The following LMAN2L variants were observed in gnomAD, a reference collection of about 807,000 sequenced individuals.
The protein encoded by LMAN2L is VIP36-like protein.
Under a neutral mutation model 44.3 loss-of-function variants are expected in LMAN2L, and 30 were observed. The observed-to-expected ratio is 0.68, with a 90% CI of 0.51 to 0.92. LMAN2L has a LOEUF of 0.92. Among genes scored for constraint, LMAN2L ranks in the 40% least tolerant of loss-of-function variants. LMAN2L has a pLI of 0.00. For synonymous variants in LMAN2L, 183 were observed against 171.1 expected (o/e 1.07, Z -0.54); for missense variants, 429 against 446.1 (o/e 0.96, Z 0.35).
intron 1 of LMAN2L, among the ~76,000 whole-genome samples, chr2:96,738,742 C>CTT (rs1198674962): frequency 6.8e-6 from 1 of 146,160 alleles, no homozygotes. Flanking sequence ...CACATTCTTC[C>CTT]TTTTTTTTTT....
At chr2:96,707,586 G>A in intron 7 of LMAN2L, 128 bp downstream of exon 7, 3 of 1,289,564 alleles carry the variant, frequency 2.3e-6, no homozygotes, top group Non-Finnish European at 3.2e-6. Flanking sequence ...AAGGGGAAAG[G>A]CAGATGAAAG....
At chr2:96,712,115 T>G in intron 4 of LMAN2L, 90 bp from the exon 5 acceptor site, 1 of 1,350,914 alleles carries the variant, frequency 7.4e-7, no homozygotes, top group Non-Finnish European at 1.0e-6. Flanking sequence ...ACATACAAGT[T>G]GAGCCCCTTA....
intron 4 of LMAN2L, among the ~76,000 whole-genome samples, chr2:96,726,549 G>A (rs762434713): frequency 2.0e-5 from 3 of 152,082 alleles, no homozygotes; most frequent in Admixed American, 6.6e-5. Flanking sequence ...TTGGGCGGCC[G>A]AGATGGGCAG....
At chr2:96,720,059 T>C (rs893079776) in intron 4 of LMAN2L, among the ~76,000 whole-genome samples, 1 of 152,112 alleles carries the variant, frequency 6.6e-6, no homozygotes, top group Non-Finnish European at 1.5e-5. Context: ...GAGGAAATGT[T>C]TTTTTAACTG....
At chr2:96,726,095 G>A (rs2078264407) in intron 4 of LMAN2L, among the ~76,000 whole-genome samples, 1 of 151,254 alleles carries the variant, frequency 6.6e-6, no homozygotes, top group Admixed American at 6.6e-5. Flanking sequence ...TCATGCCACT[G>A]CATGCCAACC....
At chr2:96,721,326 C>CTTTTTTTTTTTTT (rs56023035) in intron 4 of LMAN2L, among the ~76,000 whole-genome samples, 1 of 84,600 alleles carries the variant, frequency 1.2e-5, no homozygotes, top group African/African-American at 4.9e-5. Context: ...TTCTTTCAGT[C>CTTTTTTTTTTTTT]TTTTTTTTTT....
intron 4 of LMAN2L, among the ~76,000 whole-genome samples, chr2:96,731,967 C>T (rs1386332298): frequency 6.6e-6 from 1 of 151,868 alleles, no homozygotes; most frequent in East Asian, 2.0e-4. Flanking sequence ...CCCACCTCAG[C>T]CTCCCAAGTA....
In LMAN2L at chr2:96,711,656, C is replaced by T; in HGVS notation, c.784G>A (p.Asp262Asn). Residue 262 changes from aspartate to asparagine, a missense_variant and splice_region_variant, in exon 6 of 8, where the codon GAT becomes AAT. Physicochemically the swap from Asp to Asn is conservative, Grantham distance 23. Coordinates refer to ENST00000264963, the MANE Select transcript of LMAN2L (RefSeq NM_030805.4). ...AAACCAAGAGTGCGCGTGGCAGTACCTGAGAGATCCCCAGTGATGGAGGAG... is the reference window on the plus strand; with the variant it reads ...AAACCAAGAGTGCGCGTGGCAGTACTTGAGAGATCCCCAGTGATGGAGGAG... ...GTSSITGDLS[D>N]NHDVISLKLF... is the part of the protein sequence containing the mutation. The T allele has an allele frequency of 6.2e-7, 1 of 1,609,690 alleles. No individual in the cohort carries two copies. Among genetic ancestry groups the T allele is most frequent in the Non-Finnish European group, 8.5e-7 (1 of 1,176,632 alleles).
At chr2:96,714,027 G>T (rs750974718) in intron 4 of LMAN2L, among the ~76,000 whole-genome samples, 11 of 152,176 alleles carry the variant, frequency 7.2e-5, no homozygotes, top group Non-Finnish European at 1.0e-4. Context: ...CAGATGCTGA[G>T]GGTCCAAAGA....
chr2:96,737,658 A>C (rs1473058266), intron 2 of LMAN2L, among the ~76,000 whole-genome samples: 1 of 152,182 alleles, frequency 6.6e-6, no homozygotes. Context: ...GTGGTTAAGC[A>C]GGAGTTAAGT....
intron 4 of LMAN2L, among the ~76,000 whole-genome samples, chr2:96,722,524 G>A (rs2078179935): frequency 6.6e-6 from 1 of 152,144 alleles, no homozygotes; most frequent in Admixed American, 6.6e-5. Flanking sequence ...GATCTGAGAG[G>A]AGGCGGAGCT....
intron 2 of LMAN2L, among the ~76,000 whole-genome samples, chr2:96,736,323 C>A (rs1419713666): frequency 1.3e-5 from 2 of 152,210 alleles, no homozygotes; most frequent in African/African-American, 4.8e-5. Flanking sequence ...GGCATTGATT[C>A]CAATGGATAG....
In LMAN2L at chr2:96,737,728, G is replaced by GA. The variant is rs929720045; in HGVS notation, c.306+220dup. 2.5e-4 allele frequency among the ~76,000 whole-genome samples: 37 copies of GA among 149,750 alleles called. No individual in the cohort carries two copies. In the Middle Eastern group the frequency reaches 0.01, roughly 41 times the overall value. On this transcript the variant is annotated intron_variant, in intron 2 of 7. Transcript: ENST00000264963. The stretch of plus-strand genomic sequence containing the variant: ...CAATCAGGAATTAACGACATTTCAG[G>GA]AAAAAAAAATGAATTATTTGCTATA...
At chr2:96,725,017 G>A (rs535258010) in intron 4 of LMAN2L, among the ~76,000 whole-genome samples, 145 of 152,120 alleles carry the variant, frequency 9.5e-4, no homozygotes, top group African/African-American at 3.2e-3. Flanking sequence ...ATTTTTAGTA[G>A]AGACGGGGTT....
At chr2:96,722,784 G>A (rs2078186545) in intron 4 of LMAN2L, among the ~76,000 whole-genome samples, 1 of 152,206 alleles carries the variant, frequency 6.6e-6, no homozygotes, top group Non-Finnish European at 1.5e-5. Context: ...ACTTTGGGAG[G>A]CCAAGGCGGG....
intron 6 of LMAN2L, among the ~76,000 whole-genome samples, chr2:96,709,527 C>T (rs1175422971): frequency 6.6e-6 from 1 of 152,102 alleles, no homozygotes; most frequent in African/African-American, 2.4e-5. Flanking sequence ...AGGAGAGCAT[C>T]CACAGCTGCT....
At chr2:96,734,562 A>G (rs1351798571) in intron 2 of LMAN2L, 36 bp from the exon 3 acceptor site, 1 of 1,359,772 alleles carries the variant, frequency 7.4e-7, no homozygotes, top group Non-Finnish European at 1.1e-6. Flanking sequence ...AATGAGGAGC[A>G]TGAAATGCAA....
chr2:96,707,209 C>T lies in LMAN2L; in HGVS notation c.*47G>A, dbSNP rs577922900. On this transcript the variant is annotated 3_prime_UTR_variant, in exon 8 of 8. Coordinates refer to ENST00000264963, the MANE Select transcript of LMAN2L (RefSeq NM_030805.4). ...ATGCTCAGGCCAGTGCCTGCTCCTT[C>T]CATACCTCATGGGTGACAGTCACAA... 6.3e-7 allele frequency: 1 copy of T among 1,597,586 alleles called. No individual in the cohort carries two copies.
chr2:96,711,902 T>C lies in LMAN2L; in HGVS notation c.631A>G (p.Thr211Ala). The C allele has an allele frequency of 5.6e-6, 9 of 1,614,144 alleles. No homozygotes were observed. Among genetic ancestry groups the C allele is most frequent in the Non-Finnish European group, 7.6e-6 (9 of 1,180,032 alleles). ...TTGACGTAGCGAATCACCAGGAAGG[T>C]GTCGTAATGAAGATTGCGGACAATG... Reference protein sequence around the residue: ...TAIVRNLHYDTFLVIRYVKRH... With the variant: ...TAIVRNLHYDAFLVIRYVKRH... Residue 211 changes from threonine (T) to alanine (A), a missense_variant, in exon 5 of 8, where the codon ACC becomes GCC. Coordinates refer to ENST00000264963, the MANE Select transcript of LMAN2L (RefSeq NM_030805.4).
Sources: allele counts gnomAD v4.1 joint callset (sites outside exome capture counted in the v4.1 genomes callset), GRCh38; gene constraint gnomAD v4.1.1; transcripts MANE v1.5; gene names NCBI Gene and HGNC (gene_info 2026-07-23, HGNC 2026-07-21).